Variants in TAFA4 observed in about 807,000 individuals in gnomAD.
TAFA4 encodes the protein TAFA chemokine like family member 4, also known as chemokine-like protein TAFA-4.
In TAFA4, 20 loss-of-function variants were observed where a neutral mutation model predicts 21.1. That is an observed-to-expected ratio of 0.95 (90% CI 0.67 to 1.38). TAFA4 has a LOEUF of 1.38. Among genes scored for constraint, TAFA4 ranks in the 40% most tolerant of loss-of-function variants. The pLI, the probability that TAFA4 is intolerant of heterozygous loss-of-function variation, is 0.00. For missense variants in TAFA4, 211 were observed against 180.9 expected, an observed-to-expected ratio of 1.17 and a Z score of -0.95; for synonymous variants, 71 against 67.4, an observed-to-expected ratio of 1.05 and a Z score of -0.26.
intron 3 of TAFA4, among the ~76,000 whole-genome samples, chr3:68,819,105 T>A (rs1489536877): frequency 6.6e-6 from 1 of 151,996 alleles, no homozygotes; most frequent in Non-Finnish European, 1.5e-5. Context: ...AAAGCCCATC[T>A]CTACAAAAAC....
intron 3 of TAFA4, among the ~76,000 whole-genome samples, chr3:68,763,029 C>G (rs71302145): frequency 0.045 from 6,880 of 152,298 alleles, 391 homozygotes; most frequent in East Asian, 0.25. Flanking sequence ...CAGAGCGAGA[C>G]TCCTTTTTTT....
chr3:68,790,209 T>C (rs1356341803), intron 3 of TAFA4, among the ~76,000 whole-genome samples: 1 of 152,026 alleles, frequency 6.6e-6, no homozygotes, highest in Non-Finnish European at 1.5e-5. Context: ...AGTGTCAAAA[T>C]ATTAACTCTA....
chr3:68,764,095 A>G (rs1702805801), intron 3 of TAFA4, among the ~76,000 whole-genome samples: 1 of 152,152 alleles, frequency 6.6e-6, no homozygotes, highest in Admixed American at 6.5e-5. Flanking sequence ...TTGAAACTCT[A>G]GCCCTCAGTA....
intron 3 of TAFA4, among the ~76,000 whole-genome samples, chr3:68,766,939 A>G (rs145566191): frequency 1.3e-5 from 2 of 152,292 alleles, no homozygotes; most frequent in East Asian, 3.9e-4. Flanking sequence ...GCTAAAAACC[A>G]ATGGACTCAT....
At chr3:68,931,410 T>G (rs1041543042) in intron 1 of TAFA4, among the ~76,000 whole-genome samples, 1 of 152,078 alleles carries the variant, frequency 6.6e-6, no homozygotes, top group Non-Finnish European at 1.5e-5. Context: ...AAACGTTAAA[T>G]GATGCTGATT....
intron 3 of TAFA4, among the ~76,000 whole-genome samples, chr3:68,837,506 A>G (rs1045624158): frequency 6.6e-6 from 1 of 152,190 alleles, no homozygotes; most frequent in African/African-American, 2.4e-5. Flanking sequence ...CCAACTTAGT[A>G]AACATCAGAA....
At chr3:68,773,260 C>T (rs1702991090) in intron 3 of TAFA4, among the ~76,000 whole-genome samples, 1 of 152,244 alleles carries the variant, frequency 6.6e-6, no homozygotes, top group Admixed American at 6.5e-5. Flanking sequence ...TCATCGAACT[C>T]AGCAAAGCTC....
At chr3:68,916,598 C>T (rs1559562552) in intron 1 of TAFA4, among the ~76,000 whole-genome samples, 1 of 152,202 alleles carries the variant, frequency 6.6e-6, no homozygotes, top group Non-Finnish European at 1.5e-5. Context: ...CCACATGTAA[C>T]AATGCCCTAG....
rs546170728 is a variant in TAFA4, at chr3:68,749,314, C to T, written c.286+3549G>A. On this transcript the variant is annotated intron_variant, in intron 4 of 5. Coordinates refer to ENST00000295569, the MANE Select transcript of TAFA4 (RefSeq NM_182522.5). ...TTAACAGAAATGCAAAAGGATATTC[C>T]AGTTTCTATGTCGGCATTAATTAGT... 4.6e-5 allele frequency among the ~76,000 whole-genome samples: 7 copies of T among 152,192 alleles called. No homozygotes were observed. In the South Asian group the frequency reaches 1.5e-3, roughly 32 times the overall value.
At chr3:68,902,587 C>T (rs1382910113) in intron 1 of TAFA4, among the ~76,000 whole-genome samples, 3 of 152,060 alleles carry the variant, frequency 2.0e-5, no homozygotes, top group Non-Finnish European at 4.4e-5. Flanking sequence ...AGGCTGGTCT[C>T]GAATTCCTGG....
chr3:68,840,944 T>C (rs1324710786), intron 3 of TAFA4, among the ~76,000 whole-genome samples: 1 of 152,156 alleles, frequency 6.6e-6, no homozygotes, highest in Non-Finnish European at 1.5e-5. Flanking sequence ...TATCTCACAT[T>C]CTGTACCTCT....
chr3:68,759,294 A>C (rs1702716797), intron 3 of TAFA4, among the ~76,000 whole-genome samples: 1 of 152,206 alleles, frequency 6.6e-6, no homozygotes, highest in Admixed American at 6.5e-5. Flanking sequence ...TCATCCAGAA[A>C]CATCCTCCCA....
intron 3 of TAFA4, among the ~76,000 whole-genome samples, chr3:68,776,760 G>A (rs1054512511): frequency 7.2e-5 from 11 of 152,032 alleles, no homozygotes; most frequent in Admixed American, 2.0e-4. Flanking sequence ...GGAACATACC[G>A]TAAGTCTCAG....
chr3:68,911,686 T>C (rs2089963105), intron 1 of TAFA4, among the ~76,000 whole-genome samples: 1 of 152,098 alleles, frequency 6.6e-6, no homozygotes, highest in African/African-American at 2.4e-5. Context: ...CCTGTAACCA[T>C]GAGTTAGCAG....
At chr3:68,853,237 A>G (rs1704991773) in intron 3 of TAFA4, among the ~76,000 whole-genome samples, 1 of 151,968 alleles carries the variant, frequency 6.6e-6, no homozygotes, top group Admixed American at 6.6e-5. Context: ...AAGGAAAAAA[A>G]ACTTTTTTTT....
rs1702156187 is a variant in TAFA4 at position 68,731,944 on chromosome 3, G to C, written c.*1198C>G. 1 of 152,054 alleles carries C rather than the reference G, an allele frequency of 6.6e-6. No homozygotes were observed. The highest frequency in any genetic ancestry group is 2.4e-5 in the African/African-American group (1 of 41,388). 9.4% of individuals were successfully genotyped at this position (152,054 alleles called of 1,614,324 possible). A position where few individuals can be genotyped will look rare whatever the true frequency, so the allele number is the denominator to read the frequency against. ...TCCCCCTATAAATGTGAAAGGACAG[G>C]GATAATTAACTTGGTGCAGAAACTA... On this transcript the variant is annotated 3_prime_UTR_variant, in exon 6 of 6. Coordinates refer to ENST00000295569, the MANE Select transcript of TAFA4 (RefSeq NM_182522.5).
intron 3 of TAFA4, among the ~76,000 whole-genome samples, chr3:68,796,983 T>C (rs751335988): frequency 2.6e-5 from 4 of 151,968 alleles, no homozygotes; most frequent in Non-Finnish European, 5.9e-5. Flanking sequence ...AGTAAATAAA[T>C]AAAATAGAAA....
At chr3:68,825,794 A>C (rs753048289) in intron 3 of TAFA4, among the ~76,000 whole-genome samples, 50 of 152,222 alleles carry the variant, frequency 3.3e-4, no homozygotes, top group Non-Finnish European at 6.0e-4. Context: ...GCAAGGCTCC[A>C]TCTTGGATTC....
intron 3 of TAFA4, among the ~76,000 whole-genome samples, chr3:68,818,276 G>T: frequency 6.6e-6 from 1 of 152,292 alleles, no homozygotes; most frequent in African/African-American, 2.4e-5. Context: ...AAGAACTTAA[G>T]AGAGTTAGGG....
Sources: gnomAD v4.1 joint callset for allele counts (sites outside exome capture counted in the v4.1 genomes callset) on GRCh38, gnomAD v4.1.1 for gene constraint, MANE v1.5 for transcripts, NCBI Gene and HGNC (gene_info 2026-07-23, HGNC 2026-07-21) for gene names.